Variants in ENOX1 observed in about 807,000 individuals in gnomAD.
ENOX1 encodes the protein candidate growth-related and time keeping constitutive hydroquinone (NADH) oxidase.
In ENOX1, 42 loss-of-function variants were observed where a neutral mutation model predicts 82.5. That is an observed-to-expected ratio of 0.51 (90% CI 0.40 to 0.66). The LOEUF (loss-of-function observed/expected upper bound fraction) is 0.66, where lower values mean the gene tolerates loss of function less well. Ranked by LOEUF, ENOX1 falls within the 30% of genes least tolerant of loss-of-function variation. The pLI is 0.00. For missense variants in ENOX1, 608 were observed against 811.6 expected (o/e 0.75, Z 3.05); for synonymous variants, 271 against 282.2 (o/e 0.96, Z 0.40).
intron 12 of ENOX1, among the ~76,000 whole-genome samples, chr13:43,284,379 C>T (rs895724613): frequency 6.6e-6 from 1 of 152,192 alleles, no homozygotes; most frequent in African/African-American, 2.4e-5. Context: ...CACACTGACT[C>T]AGCAAATGAC....
At chr13:43,214,577 T>C (rs2041365646) in intron 16 of ENOX1, among the ~76,000 whole-genome samples, 1 of 152,200 alleles carries the variant, frequency 6.6e-6, no homozygotes, top group Non-Finnish European at 1.5e-5. Context: ...CCCAAATTTC[T>C]TTCTCTTCCT....
intron 5 of ENOX1, 110 bp downstream of exon 5, chr13:43,411,806 T>C (rs932161722): frequency 7.9e-6 from 11 of 1,388,312 alleles, no homozygotes; most frequent in Non-Finnish European, 1.1e-5. Context: ...GCCCCAGTCA[T>C]AAATAAAAGA....
intron 3 of ENOX1, among the ~76,000 whole-genome samples, chr13:43,478,552 T>C (rs1353126725): frequency 2.6e-5 from 4 of 152,008 alleles, no homozygotes; most frequent in Non-Finnish European, 5.9e-5. Flanking sequence ...ATAATGAAAG[T>C]CTTTTGATAT....
chr13:43,717,376 T>A (rs1399283770), intron 1 of ENOX1, among the ~76,000 whole-genome samples: 1 of 152,170 alleles, frequency 6.6e-6, no homozygotes, highest in Non-Finnish European at 1.5e-5. Context: ...CCTCTCAGCA[T>A]AACCAAACAT....
intron 2 of ENOX1, among the ~76,000 whole-genome samples, chr13:43,484,770 G>A (rs1216221689): frequency 1.3e-5 from 2 of 152,146 alleles, no homozygotes; most frequent in Non-Finnish European, 2.9e-5. Context: ...AACTTGTCTT[G>A]CCTAATTTAC....
intron 8 of ENOX1, among the ~76,000 whole-genome samples, chr13:43,352,964 A>G (rs1226409011): frequency 6.6e-6 from 1 of 152,196 alleles, no homozygotes; most frequent in Non-Finnish European, 1.5e-5. Context: ...GTGATTTGTT[A>G]TTGCCTGTGT....
At chr13:43,574,322 A>G (rs2080318528) in intron 2 of ENOX1, among the ~76,000 whole-genome samples, 1 of 152,178 alleles carries the variant, frequency 6.6e-6, no homozygotes, top group African/African-American at 2.4e-5. Flanking sequence ...TAAAGACGGT[A>G]ATCAGGAAAG....
intron 2 of ENOX1, among the ~76,000 whole-genome samples, chr13:43,538,008 C>T (rs2078539515): frequency 6.6e-6 from 1 of 152,186 alleles, no homozygotes; most frequent in African/African-American, 2.4e-5. Flanking sequence ...CTGGCCTTTC[C>T]TGGGCTAAGG....
At chr13:43,340,490 G>A (rs1490134521) in intron 9 of ENOX1, among the ~76,000 whole-genome samples, 1 of 152,206 alleles carries the variant, frequency 6.6e-6, no homozygotes. Flanking sequence ...GGCTAAGGGG[G>A]ACTCCCAAAT....
At chr13:43,618,046 T>C (rs1047433997) in intron 2 of ENOX1, among the ~76,000 whole-genome samples, 2 of 152,198 alleles carry the variant, frequency 1.3e-5, no homozygotes, top group African/African-American at 4.8e-5. Context: ...GAGAATTGTC[T>C]ATTCATGTCC....
At chr13:43,359,660 T>C (rs560132855) in intron 7 of ENOX1, 191 bp downstream of exon 7, 16 of 587,366 alleles carry the variant, frequency 2.7e-5, no homozygotes, top group Non-Finnish European at 4.5e-5. Context: ...GGGAAATTGC[T>C]CCTGCAGTGA....
intron 3 of ENOX1, among the ~76,000 whole-genome samples, chr13:43,432,234 A>G (rs1360547394): frequency 6.6e-6 from 1 of 152,160 alleles, no homozygotes; most frequent in African/African-American, 2.4e-5. Flanking sequence ...CTATAATAAT[A>G]AAAACTGCAT....
intron 2 of ENOX1, among the ~76,000 whole-genome samples, chr13:43,623,796 T>C (rs2082851111): frequency 6.6e-6 from 1 of 152,174 alleles, no homozygotes; most frequent in Non-Finnish European, 1.5e-5. Context: ...TTCTATGATA[T>C]GTGTATATCA....
chr13:43,754,677 T>C (rs1376507519), intron 1 of ENOX1, among the ~76,000 whole-genome samples: 1 of 152,002 alleles, frequency 6.6e-6, no homozygotes, highest in African/African-American at 2.4e-5. Context: ...CTCAAACTCC[T>C]GGGCTCAATA....
chr13:43,471,717 G>A (rs2058074838), intron 3 of ENOX1, among the ~76,000 whole-genome samples: 1 of 151,624 alleles, frequency 6.6e-6, no homozygotes, highest in South Asian at 2.1e-4. Flanking sequence ...AGCTGAGGCA[G>A]GAGAATGGTG....
intron 2 of ENOX1, among the ~76,000 whole-genome samples, chr13:43,632,364 T>C (rs2153751343): frequency 6.6e-6 from 1 of 151,976 alleles, no homozygotes; most frequent in East Asian, 1.9e-4. Flanking sequence ...TCATCAATTA[T>C]ATTTTCTTTT....
intron 5 of ENOX1, among the ~76,000 whole-genome samples, chr13:43,410,718 A>T (rs116819066): frequency 6.4e-4 from 97 of 152,302 alleles, no homozygotes; most frequent in African/African-American, 2.3e-3. Context: ...AACACAACAA[A>T]AAACAAATGC....
intron 3 of ENOX1, among the ~76,000 whole-genome samples, chr13:43,455,587 G>A (rs2057188013): frequency 6.6e-6 from 1 of 151,952 alleles, no homozygotes; most frequent in East Asian, 1.9e-4. Flanking sequence ...GGAACCTCAT[G>A]GATTAATCCA....
At chr13:43,342,164 AC>A (rs1475524705) in intron 9 of ENOX1, among the ~76,000 whole-genome samples, 1 of 152,162 alleles carries the variant, frequency 6.6e-6, no homozygotes, top group African/African-American at 2.4e-5. Context: ...AACATCTTCT[AC>A]TTGTTTCAGA....
Sources: allele counts gnomAD v4.1 joint callset (sites outside exome capture counted in the v4.1 genomes callset), GRCh38; gene constraint gnomAD v4.1.1; transcripts MANE v1.5; gene names NCBI Gene and HGNC (gene_info 2026-07-23, HGNC 2026-07-21).